PPM1L: variants seen among roughly 807,000 people sequenced by gnomAD.
PPM1L encodes protein phosphatase, Mg2+/Mn2+ dependent 1L, also known as protein phosphatase 1L.
In PPM1L, 13 loss-of-function variants were observed where a neutral mutation model predicts 31.4. That is an observed-to-expected ratio of 0.41 (90% CI 0.27 to 0.66). PPM1L has a LOEUF of 0.66. Ranked by LOEUF, PPM1L falls within the 30% of genes least tolerant of loss-of-function variation. The pLI is 0.29. For missense variants in PPM1L, 326 were observed against 453.7 expected (o/e 0.72, Z 2.56); for synonymous variants, 184 against 175.4 (o/e 1.05, Z -0.39).
intron 1 of PPM1L, among the ~76,000 whole-genome samples, chr3:160,951,523 A>G (rs1291985095): frequency 6.6e-6 from 1 of 152,212 alleles, no homozygotes; most frequent in African/African-American, 2.4e-5. Flanking sequence ...TTACAGGGTA[A>G]GATCTAGAAA....
chr3:161,001,811 T>C (rs566143867), intron 2 of PPM1L, among the ~76,000 whole-genome samples: 1 of 152,106 alleles, frequency 6.6e-6, no homozygotes, highest in South Asian at 2.1e-4. Flanking sequence ...CCTAAAGTGT[T>C]TACATTTTAA....
chr3:160,915,515 C>T (rs1342025271), intron 1 of PPM1L, among the ~76,000 whole-genome samples: 5 of 152,142 alleles, frequency 3.3e-5, no homozygotes, highest in African/African-American at 9.7e-5. Context: ...ATGCCATCCC[C>T]ATCAAGCTGC....
intron 2 of PPM1L, among the ~76,000 whole-genome samples, chr3:160,989,491 G>T (rs56807417): frequency 6.7e-6 from 1 of 149,414 alleles, no homozygotes; most frequent in Non-Finnish European, 1.5e-5. Context: ...TGCAACCTCT[G>T]CCTCCCAGGT....
intron 1 of PPM1L, among the ~76,000 whole-genome samples, chr3:160,773,582 T>C (rs1711502658): frequency 6.6e-6 from 1 of 152,234 alleles, no homozygotes; most frequent in African/African-American, 2.4e-5. Context: ...CAGATTCTTC[T>C]GTTTTTTAAA....
intron 2 of PPM1L, among the ~76,000 whole-genome samples, chr3:161,012,091 C>G (rs560392288): frequency 1.4e-4 from 21 of 152,240 alleles, no homozygotes; most frequent in South Asian, 1.0e-3. Context: ...TCTCTGTCTT[C>G]TGCCCGTTTT....
At chr3:161,016,446 T>C (rs1718090346) in intron 2 of PPM1L, among the ~76,000 whole-genome samples, 1 of 152,192 alleles carries the variant, frequency 6.6e-6, no homozygotes, top group Non-Finnish European at 1.5e-5. Flanking sequence ...TAAGTATGTG[T>C]ATGATGATGC....
intron 3 of PPM1L, among the ~76,000 whole-genome samples, chr3:161,066,352 G>A (rs1172845614): frequency 3.9e-5 from 6 of 152,110 alleles, no homozygotes; most frequent in Non-Finnish European, 8.8e-5. Context: ...ATTGGCATGG[G>A]GGTGAGGAAT....
At position 160,961,707 on chromosome 3, in the gene PPM1L, TTC is replaced by T. The variant is rs750951620; in HGVS notation, c.400-19_400-18del. 9.7e-6 allele frequency: 15 copies of T among 1,547,964 alleles called. No homozygotes were observed. The Admixed American group carries it at 1.1e-4, about 11-fold the overall frequency. On this transcript the variant is annotated intron_variant, in intron 1 of 3. Coordinates refer to ENST00000498165, the MANE Select transcript of PPM1L (RefSeq NM_139245.4). The stretch of plus-strand genomic sequence containing the variant: ...TCTAAGGGGAGAATTTCTAATGGAG[TTC>T]TCTCTCTCTGACTGTTTTATCTGCA...
chr3:160,869,823 A>G (rs1712236855), intron 1 of PPM1L, among the ~76,000 whole-genome samples: 1 of 152,074 alleles, frequency 6.6e-6, no homozygotes, highest in Non-Finnish European at 1.5e-5. Context: ...GGGTATGGGA[A>G]TGTTCTCTCC....
chr3:160,973,581 G>A (rs1414658111), intron 2 of PPM1L, among the ~76,000 whole-genome samples: 3 of 152,036 alleles, frequency 2.0e-5, no homozygotes, highest in Admixed American at 2.0e-4. Context: ...TATTGTGATG[G>A]TCCATTTGTA....
intron 2 of PPM1L, among the ~76,000 whole-genome samples, chr3:161,061,129 G>GT (rs750967165): frequency 3.9e-5 from 6 of 151,972 alleles, no homozygotes; most frequent in East Asian, 1.9e-4. Flanking sequence ...CAAACAGTAA[G>GT]TTTTTTTTGG....
chr3:160,993,075 G>GT (rs550011821), intron 2 of PPM1L, among the ~76,000 whole-genome samples: 229 of 144,872 alleles, frequency 1.6e-3, no homozygotes, highest in Non-Finnish European at 1.6e-3. Context: ...TTACAACAAG[G>GT]TTTTTTTTTT....
intron 2 of PPM1L, among the ~76,000 whole-genome samples, chr3:160,975,724 G>A (rs1271373822): frequency 6.6e-6 from 1 of 152,146 alleles, no homozygotes; most frequent in Non-Finnish European, 1.5e-5. Flanking sequence ...CATTGATTTT[G>A]TATCCTGAGA....
At chr3:160,850,507 C>G (rs531789423) in intron 1 of PPM1L, among the ~76,000 whole-genome samples, 1 of 152,260 alleles carries the variant, frequency 6.6e-6, no homozygotes, top group South Asian at 2.1e-4. Context: ...AGTCCTGCCC[C>G]TCTCCCTGGA....
intron 1 of PPM1L, among the ~76,000 whole-genome samples, chr3:160,814,563 GTA>G (rs1712915755): frequency 1.0e-5 from 1 of 98,118 alleles, no homozygotes; most frequent in African/African-American, 4.3e-5. Flanking sequence ...ACACACATAT[GTA>G]TGTATGTGTA....
At chr3:160,967,036 G>C (rs1349563778) in intron 2 of PPM1L, among the ~76,000 whole-genome samples, 1 of 152,060 alleles carries the variant, frequency 6.6e-6, no homozygotes, top group Non-Finnish European at 1.5e-5. Context: ...TGTGTCATAG[G>C]AGGGACCAGG....
intron 1 of PPM1L, among the ~76,000 whole-genome samples, chr3:160,792,227 T>C (rs750759449): frequency 6.6e-6 from 1 of 152,214 alleles, no homozygotes; most frequent in Non-Finnish European, 1.5e-5. Context: ...TAAAGTAATA[T>C]GCTCTTAAAT....
intron 1 of PPM1L, chr3:160,842,316 A>T: frequency 1.4e-6 from 1 of 702,352 alleles, no homozygotes; most frequent in Non-Finnish European, 2.6e-6. Context: ...TTTGGCTCTA[A>T]TAGAGGACTC....
intron 1 of PPM1L, among the ~76,000 whole-genome samples, chr3:160,861,521 C>T (rs762289110): frequency 6.6e-6 from 1 of 152,048 alleles, no homozygotes; most frequent in Non-Finnish European, 1.5e-5. Flanking sequence ...GTACTGTGTT[C>T]GATTTCTGGC....
Sources: gnomAD v4.1 joint callset for allele counts (sites outside exome capture counted in the v4.1 genomes callset) on GRCh38, gnomAD v4.1.1 for gene constraint, MANE v1.5 for transcripts, NCBI Gene and HGNC (gene_info 2026-07-23, HGNC 2026-07-21) for gene names.